Variants in TRPM3 observed in about 807,000 individuals in gnomAD.
The protein encoded by TRPM3 is long transient receptor potential channel 3.
TRPM3 carries 77 observed loss-of-function variants against 181.2 expected under a neutral mutation model. That is an observed-to-expected ratio of 0.42 (90% confidence interval 0.35 to 0.51). The LOEUF (loss-of-function observed/expected upper bound fraction) is 0.51. Ranked by LOEUF, TRPM3 falls within the 20% of genes least tolerant of loss-of-function variation. The pLI is 0.01. For missense variants in TRPM3, 1,759 were observed against 2,196.7 expected, an observed-to-expected ratio of 0.80 and a Z score of 3.98; for synonymous variants, 745 against 796.4, an observed-to-expected ratio of 0.94 and a Z score of 1.09.
At position 71,289,527 on chromosome 9, in the gene TRPM3, T is replaced by C. The variant is rs563975688; in HGVS notation, c.183+157126A>G. On this transcript the variant is annotated intron_variant, in intron 1 of 24. Transcript: ENST00000357533. Reference sequence around the variant, plus strand: ...AAGCTCAAGTTCTAGTGTTCAATAGTACAGTAGGAAAATCATAGTTAACAA... The same window carrying C: ...AAGCTCAAGTTCTAGTGTTCAATAGCACAGTAGGAAAATCATAGTTAACAA... 1.2e-4 allele frequency among the ~76,000 whole-genome samples: 19 copies of C among 152,148 alleles called. No homozygotes were observed. In the South Asian group the frequency reaches 2.5e-3, roughly 20 times the overall value.
In TRPM3 at chr9:70,536,168, T is replaced by C; in HGVS notation, c.4945A>G (p.Ser1649Gly). ...ITVPKIERAN[S>G]YSAEEPSAPY... ...GCACTTGGCTCCTCTGCCGAGTAGC[T>C]GTTGGCGCGCTCTATCTTGGGAACA... The change falls in exon 26 of 26, where the codon AGC becomes GGC. Residue 1649 changes from serine to glycine, a missense_variant. Physicochemically the swap from Ser to Gly is moderately conservative, Grantham distance 56. This residue lies in a region of TRPM3 where 612 missense variants were observed against 590.0 expected (regional missense o/e 1.04). Coordinates refer to ENST00000677713, the MANE Select transcript of TRPM3 (RefSeq NM_001366145.2). 1 of 1,614,194 alleles carries C rather than the reference T, an allele frequency of 6.2e-7. No homozygotes were observed. Among genetic ancestry groups the C allele is most frequent in the Non-Finnish European group, 8.5e-7 (1 of 1,180,028 alleles).
chr9:70,683,413 CTT>C (rs1197619924), intron 8 of TRPM3, among the ~76,000 whole-genome samples: 14 of 127,720 alleles, frequency 1.1e-4, no homozygotes, highest in African/African-American at 3.9e-4. Context: ...CCTTTTCTCT[CTT>C]TCTCTCTCTC....
At chr9:70,948,726 G>T (rs1319662780) in intron 1 of TRPM3, among the ~76,000 whole-genome samples, 1 of 152,202 alleles carries the variant, frequency 6.6e-6, no homozygotes, top group Non-Finnish European at 1.5e-5. Context: ...ATGCTCTCCA[G>T]AACTTCACTG....
intron 12 of TRPM3, among the ~76,000 whole-genome samples, chr9:70,630,399 C>G (rs1224727527): frequency 6.6e-6 from 1 of 152,160 alleles, no homozygotes; most frequent in Non-Finnish European, 1.5e-5. Context: ...TCCAGTGATC[C>G]CCTGGAGTTT....
At chr9:70,639,388 T>C (rs989506411) in intron 10 of TRPM3, among the ~76,000 whole-genome samples, 194 bp from the exon 11 acceptor site, 2 of 152,216 alleles carry the variant, frequency 1.3e-5, no homozygotes, top group African/African-American at 4.8e-5. Context: ...TTTGGGTGCC[T>C]GTCTTTGCAA....
At chr9:70,576,126 G>C (rs2053866176) in intron 22 of TRPM3, among the ~76,000 whole-genome samples, 1 of 152,126 alleles carries the variant, frequency 6.6e-6, no homozygotes, top group Non-Finnish European at 1.5e-5. Flanking sequence ...TCTCCTCATG[G>C]GCGGTACAAT....
chr9:71,395,671 T>C (rs1317644843), intron 1 of TRPM3, among the ~76,000 whole-genome samples: 1 of 152,250 alleles, frequency 6.6e-6, no homozygotes. Flanking sequence ...TTTTGAAAGA[T>C]CAAAATGTTG....
At chr9:71,129,316 A>G (rs909839697) in intron 1 of TRPM3, among the ~76,000 whole-genome samples, 8 of 152,152 alleles carry the variant, frequency 5.3e-5, no homozygotes, top group African/African-American at 1.9e-4. Flanking sequence ...AACTACATGG[A>G]TTTTGAAATC....
chr9:70,869,327 C>A (rs1564648717), intron 1 of TRPM3, among the ~76,000 whole-genome samples: 1 of 151,878 alleles, frequency 6.6e-6, no homozygotes, highest in Non-Finnish European at 1.5e-5. Flanking sequence ...GGCACAGGTC[C>A]TAACAGGCTC....
At chr9:71,115,085 A>T (rs183702604) in intron 1 of TRPM3, among the ~76,000 whole-genome samples, 79 of 152,300 alleles carry the variant, frequency 5.2e-4, no homozygotes, top group Non-Finnish European at 1.1e-3. Context: ...ACATTCTGAA[A>T]ATCTGAGAAC....
intron 17 of TRPM3, 76 bp from the exon 18 acceptor site, chr9:70,616,151 A>G: frequency 8.5e-7 from 1 of 1,181,324 alleles, no homozygotes; most frequent in Non-Finnish European, 1.2e-6. Context: ...AGAATCAGAG[A>G]GCCTGAGGTA....
intron 1 of TRPM3, among the ~76,000 whole-genome samples, chr9:71,374,446 T>C (rs1470554112): frequency 6.6e-6 from 1 of 152,006 alleles, no homozygotes; most frequent in Non-Finnish European, 1.5e-5. Context: ...AGATTATACC[T>C]CAAAGTAAGA....
chr9:71,398,632 C>T (rs368515624), intron 1 of TRPM3, among the ~76,000 whole-genome samples: 8 of 152,168 alleles, frequency 5.3e-5, no homozygotes, highest in East Asian at 1.9e-4. Context: ...TTGCCTTCCA[C>T]CATGATTGTA....
At chr9:70,608,113 GTTTCTGTACCTCACTTCCGT>G (rs2061478456) in intron 19 of TRPM3, among the ~76,000 whole-genome samples, 1 of 152,214 alleles carries the variant, frequency 6.6e-6, no homozygotes, top group Admixed American at 6.5e-5. Context: ...CAATCCAGCT[GTTTCTGTACCTCACTTCCGT>G]TTTCTGTATG....
At chr9:71,198,637 G>A (rs999345650) in intron 1 of TRPM3, among the ~76,000 whole-genome samples, 1 of 151,524 alleles carries the variant, frequency 6.6e-6, no homozygotes, top group African/African-American at 2.4e-5. Context: ...TGAAGCAATT[G>A]TGAATGGGAG....
At chr9:71,237,067 G>C (rs1270286838) in intron 1 of TRPM3, among the ~76,000 whole-genome samples, 1 of 140,468 alleles carries the variant, frequency 7.1e-6, no homozygotes, top group Non-Finnish European at 1.5e-5. Context: ...AAAAGGGGGG[G>C]GGAAAAAAAG....
At chr9:71,007,926 T>C (rs1431882700) in intron 1 of TRPM3, among the ~76,000 whole-genome samples, 1 of 151,468 alleles carries the variant, frequency 6.6e-6, no homozygotes, top group African/African-American at 2.4e-5. Context: ...ATAACAAAGA[T>C]CAGAGCAGAA....
rs1175678140 is a variant in TRPM3, at chr9:71,322,584, GACA to G, written c.183+124066_183+124068del. On this transcript the variant is annotated intron_variant, in intron 1 of 24. Transcript: ENST00000357533. ...GGAAAATGTCAAATACTGTTTCACG[GACA>G]ACATTTTAGGAGCAAGAATGAGTCT... Among the ~76,000 whole-genome samples the G allele has an allele frequency of 1.1e-4, 17 of 152,166 alleles. 1 individual carries two copies. Among genetic ancestry groups the G allele is most frequent in the African/African-American group, 4.1e-4 (17 of 41,534 alleles).
chr9:71,380,679 A>G (rs2092779026), intron 1 of TRPM3, among the ~76,000 whole-genome samples: 1 of 152,142 alleles, frequency 6.6e-6, no homozygotes, highest in Non-Finnish European at 1.5e-5. Context: ...ATAAAATAAA[A>G]GTGACTTTAT....
Sources: allele counts gnomAD v4.1 joint callset (sites outside exome capture counted in the v4.1 genomes callset), GRCh38; gene constraint gnomAD v4.1.1; regional missense constraint gnomAD v4.1.1; transcripts MANE v1.5; gene names NCBI Gene and HGNC (gene_info 2026-07-23, HGNC 2026-07-21).